The following CREB5 variants were observed in gnomAD, a reference collection of about 807,000 sequenced individuals.
CREB5 encodes cAMP responsive element binding protein 5.
In CREB5, 19 loss-of-function variants were observed where a neutral mutation model predicts 57.1. The observed-to-expected ratio is 0.33, with a 90% CI of 0.23 to 0.49. The LOEUF is 0.49. CREB5 is among the 20% of genes least tolerant of loss of function. CREB5 has a pLI of 0.99. For missense variants in CREB5, 579 were observed against 671.6 expected, an observed-to-expected ratio of 0.86 and a Z score of 1.52; for synonymous variants, 238 against 238.3, an observed-to-expected ratio of 1.00 and a Z score of 0.01.
chr7:28,801,626 T>A (rs1177876317), intron 7 of CREB5, among the ~76,000 whole-genome samples: 1 of 152,216 alleles, frequency 6.6e-6, no homozygotes, highest in Non-Finnish European at 1.5e-5. Flanking sequence ...TATATAGAGT[T>A]GTCTGGAATG....
At chr7:28,450,070 G>C (rs1326202748) in intron 1 of CREB5, among the ~76,000 whole-genome samples, 2 of 152,172 alleles carry the variant, frequency 1.3e-5, no homozygotes, top group East Asian at 3.8e-4. Flanking sequence ...AATAACAAGA[G>C]AAGCTGTTAT....
chr7:28,812,267 G>C (rs542885761), intron 9 of CREB5, among the ~76,000 whole-genome samples: 1 of 152,322 alleles, frequency 6.6e-6, no homozygotes, highest in East Asian at 1.9e-4. Flanking sequence ...AATTCCTTCA[G>C]GGTATTGACT....
chr7:28,373,031 G>A (rs1414718630), intron 1 of CREB5, among the ~76,000 whole-genome samples: 4 of 152,158 alleles, frequency 2.6e-5, no homozygotes. Flanking sequence ...GTAGTCACAG[G>A]AAAGTCAGTC....
chr7:28,765,597 G>GA (rs1242170637), intron 7 of CREB5, among the ~76,000 whole-genome samples: 9 of 152,046 alleles, frequency 5.9e-5, no homozygotes, highest in Admixed American at 3.9e-4. Context: ...GAGAAAGGGG[G>GA]AAAAAAACTG....
chr7:28,698,287 G>A (rs143421614), intron 5 of CREB5, among the ~76,000 whole-genome samples: 14 of 151,378 alleles, frequency 9.2e-5, no homozygotes, highest in African/African-American at 3.2e-4. Context: ...AAAGGCCTGC[G>A]GGACTTAGCC....
intron 1 of CREB5, among the ~76,000 whole-genome samples, chr7:28,320,546 G>C (rs1038455266): frequency 3.9e-5 from 6 of 152,170 alleles, no homozygotes; most frequent in Non-Finnish European, 8.8e-5. Context: ...CTACTGGCCT[G>C]TGTTACATAA....
chr7:28,557,553 G>A (rs1053461338), intron 4 of CREB5, among the ~76,000 whole-genome samples: 1 of 152,144 alleles, frequency 6.6e-6, no homozygotes, highest in Non-Finnish European at 1.5e-5. Flanking sequence ...GAATAAGTGA[G>A]GGAGGATGTC....
intron 1 of CREB5, among the ~76,000 whole-genome samples, chr7:28,427,182 C>T (rs1025818467): frequency 2.6e-5 from 4 of 152,198 alleles, no homozygotes; most frequent in Admixed American, 6.5e-5. Flanking sequence ...TTTTTACATT[C>T]TCTTGCATTC....
chr7:28,720,888 A>T (rs1050004395), intron 6 of CREB5, among the ~76,000 whole-genome samples: 4 of 151,994 alleles, frequency 2.6e-5, no homozygotes, highest in East Asian at 1.9e-4. Flanking sequence ...GAGACTTTTT[A>T]AAAAAAAATT....
chr7:28,645,081 C>A (rs1562546427), intron 5 of CREB5, among the ~76,000 whole-genome samples: 1 of 152,112 alleles, frequency 6.6e-6, no homozygotes, highest in Non-Finnish European at 1.5e-5. Context: ...CTGATTGCAG[C>A]CCCCCAACCC....
At chr7:28,775,835 A>G (rs1806592415) in intron 7 of CREB5, among the ~76,000 whole-genome samples, 1 of 152,060 alleles carries the variant, frequency 6.6e-6, no homozygotes, top group Non-Finnish European at 1.5e-5. Flanking sequence ...TCAGTTGCCT[A>G]TATACTTTTT....
chr7:28,514,078 A>T (rs1583561746), intron 4 of CREB5, among the ~76,000 whole-genome samples: 1 of 152,302 alleles, frequency 6.6e-6, no homozygotes, highest in East Asian at 1.9e-4. Context: ...ATGGTGACAG[A>T]TATTTGTTCA....
Position 28,824,798 on chromosome 7 carries a change from G to C in CREB5, c.*5519G>C, listed in dbSNP as rs1038820012. 6.6e-6 allele frequency: 1 copy of C among 152,510 alleles called. No homozygotes were observed. The highest frequency in any genetic ancestry group is 2.4e-5 in the African/African-American group (1 of 41,412). The allele number at this position is 152,510 out of a possible 1,614,324, so 9.4% of individuals were successfully genotyped here. ...AAAGCTATTTAACCACAGCTGAAGT[G>C]GGGGGTAAGGCCAAATTGCCAACAC... is the stretch of plus-strand genomic sequence containing the variant. On this transcript the variant is annotated 3_prime_UTR_variant, in exon 11 of 11. Transcript: ENST00000357727.
At chr7:28,574,893 G>C (rs554033203) in intron 5 of CREB5, among the ~76,000 whole-genome samples, 2 of 152,116 alleles carry the variant, frequency 1.3e-5, no homozygotes, top group African/African-American at 2.4e-5. Flanking sequence ...CACATGATGC[G>C]TAACTTAGGC....
intron 4 of CREB5, among the ~76,000 whole-genome samples, chr7:28,542,186 T>G (rs960444879): frequency 6.6e-6 from 1 of 152,214 alleles, no homozygotes. Flanking sequence ...TCATTATTAT[T>G]TCTGTTTTAT....
At chr7:28,567,174 C>T (rs1305236903) in intron 4 of CREB5, among the ~76,000 whole-genome samples, 1 of 152,134 alleles carries the variant, frequency 6.6e-6, no homozygotes, top group Non-Finnish European at 1.5e-5. Flanking sequence ...TTCATTGGCC[C>T]CTGTAACATT....
chr7:28,438,778 A>T (rs1789063330), intron 1 of CREB5, among the ~76,000 whole-genome samples: 1 of 152,218 alleles, frequency 6.6e-6, no homozygotes, highest in African/African-American at 2.4e-5. Flanking sequence ...TGGATTTAGC[A>T]ATTGCCGTAA....
chr7:28,546,655 A>G (rs1229848986), intron 4 of CREB5, among the ~76,000 whole-genome samples: 1 of 152,194 alleles, frequency 6.6e-6, no homozygotes, highest in Non-Finnish European at 1.5e-5. Flanking sequence ...GGCAATGATT[A>G]TCATCCAGGG....
chr7:28,501,272 G>C (rs1792262669), intron 3 of CREB5, among the ~76,000 whole-genome samples: 1 of 152,128 alleles, frequency 6.6e-6, no homozygotes, highest in South Asian at 2.1e-4. Flanking sequence ...TCATCCAATG[G>C]AGAAAATAAT....
Sources: gnomAD v4.1 joint callset for allele counts (sites outside exome capture counted in the v4.1 genomes callset) on GRCh38, gnomAD v4.1.1 for gene constraint, MANE v1.5 for transcripts, NCBI Gene and HGNC (gene_info 2026-07-23, HGNC 2026-07-21) for gene names.